CNTNAP2: variants seen among roughly 807,000 people sequenced by gnomAD.
The protein encoded by CNTNAP2 is contactin associated protein 2, also known as contactin-associated protein-like 2.
Under a neutral mutation model 155.2 loss-of-function variants are expected in CNTNAP2, and 98 were observed. The observed-to-expected ratio is 0.63, with a 90% CI of 0.54 to 0.75. CNTNAP2 has a LOEUF of 0.75. CNTNAP2 is among the 30% of genes least tolerant of loss of function. The pLI is 0.00. For synonymous variants in CNTNAP2, 651 were observed against 631.2 expected (o/e 1.03, Z -0.47); for missense variants, 1,727 against 1,688.1 (o/e 1.02, Z -0.40).
intron 19 of CNTNAP2, among the ~76,000 whole-genome samples, chr7:148,221,744 C>T (rs1178219625): frequency 6.6e-6 from 1 of 152,138 alleles, no homozygotes; most frequent in Non-Finnish European, 1.5e-5. Flanking sequence ...CCAGCTGCCC[C>T]CAGCACCACC....
At chr7:148,114,116 T>C (rs1198723046) in intron 15 of CNTNAP2, among the ~76,000 whole-genome samples, 4 of 152,200 alleles carry the variant, frequency 2.6e-5, no homozygotes, top group Non-Finnish European at 4.4e-5. Flanking sequence ...CAAGTACAAA[T>C]TGCAGTGATT....
chr7:148,047,862 CT>C (rs1313636262), intron 15 of CNTNAP2, among the ~76,000 whole-genome samples: 11 of 152,278 alleles, frequency 7.2e-5, no homozygotes, highest in African/African-American at 2.2e-4. Flanking sequence ...CACAATTCAA[CT>C]TGAGATTGGT....
At chr7:148,064,936 A>G (rs749454932) in intron 15 of CNTNAP2, among the ~76,000 whole-genome samples, 3 of 152,036 alleles carry the variant, frequency 2.0e-5, no homozygotes, top group African/African-American at 7.2e-5. Flanking sequence ...AATGCTATGA[A>G]CTTTCCTCTT....
At chr7:148,198,243 G>T (rs1195052031) in intron 18 of CNTNAP2, among the ~76,000 whole-genome samples, 1 of 152,166 alleles carries the variant, frequency 6.6e-6, no homozygotes, top group African/African-American at 2.4e-5. Flanking sequence ...GAAGCTTCAG[G>T]TTAGGGATGG....
At chr7:147,552,572 AC>A (rs1409447382) in intron 11 of CNTNAP2, among the ~76,000 whole-genome samples, 763 of 48,032 alleles carry the variant, frequency 0.016, 7 homozygotes, top group African/African-American at 0.053. Flanking sequence ...ACTTTCCTCA[AC>A]ACACACACAC....
chr7:147,222,573 T>C (rs1420424630), intron 8 of CNTNAP2, among the ~76,000 whole-genome samples: 2 of 152,196 alleles, frequency 1.3e-5, no homozygotes, highest in Non-Finnish European at 2.9e-5. Context: ...GCCATGTCTA[T>C]CTGTGAGGCT....
intron 4 of CNTNAP2, among the ~76,000 whole-genome samples, chr7:147,090,695 CAATT>C (rs1800383147): frequency 6.6e-6 from 1 of 151,962 alleles, no homozygotes; most frequent in Non-Finnish European, 1.5e-5. Context: ...TTTATTAAAA[CAATT>C]GATATAATTA....
intron 11 of CNTNAP2, among the ~76,000 whole-genome samples, chr7:147,525,859 G>C (rs1799309279): frequency 6.6e-6 from 1 of 152,036 alleles, no homozygotes; most frequent in South Asian, 2.1e-4. Context: ...GGGAGCATGG[G>C]TTTCAGGATC....
chr7:146,403,764 C>T (rs62503487), intron 1 of CNTNAP2, among the ~76,000 whole-genome samples: 45 of 152,084 alleles, frequency 3.0e-4, no homozygotes, highest in African/African-American at 1.1e-3. Context: ...TATTAAAAAC[C>T]TCTCCAAACA....
rs898856040 is a variant in CNTNAP2, at chr7:147,817,730, T to C, written c.2099-85835T>C. Reference sequence around the variant, plus strand: ...CATCCTGGCTAACATGGTGAAACCCTGTCTCCACTAAAAATACAAAAAAAA... The same window carrying C: ...CATCCTGGCTAACATGGTGAAACCCCGTCTCCACTAAAAATACAAAAAAAA... On this transcript the variant is annotated intron_variant, in intron 13 of 23. Coordinates refer to ENST00000361727, the MANE Select transcript of CNTNAP2 (RefSeq NM_014141.6). 3.3e-5 allele frequency among the ~76,000 whole-genome samples: 5 copies of C among 151,826 alleles called. No individual in the cohort carries two copies. In the East Asian group the frequency reaches 5.8e-4, roughly 18 times the overall value.
rs781114080 is a variant in CNTNAP2 at position 147,395,707 on chromosome 7, T to A, written c.1597T>A (p.Leu533Ile). 55 of 1,612,458 alleles carry A rather than the reference T, an allele frequency of 3.4e-5. 1 individual carries two copies. The highest frequency in any genetic ancestry group is 1.6e-4 in the Middle Eastern group (1 of 6,072). Residue 533 changes from leucine (L) to isoleucine (I), a missense_variant, in exon 10 of 24, where the codon TTA becomes ATA. Coordinates refer to ENST00000361727, the MANE Select transcript of CNTNAP2 (RefSeq NM_014141.6). Reference protein sequence around the residue: ...LIQVDDQLVNLYEVAQRKPGS... With the variant: ...LIQVDDQLVNIYEVAQRKPGS... ...TCAAGTGGACGATCAACTTGTAAAT[T>A]TATACGAAGTGGCACAAAGGAAGCC... is the stretch of plus-strand genomic sequence containing the variant.
chr7:146,960,607 A>G (rs924685638), intron 3 of CNTNAP2, among the ~76,000 whole-genome samples: 9 of 152,244 alleles, frequency 5.9e-5, no homozygotes, highest in African/African-American at 2.2e-4. Context: ...TTATTCAAAA[A>G]TTTATCAACA....
intron 3 of CNTNAP2, among the ~76,000 whole-genome samples, chr7:146,900,671 T>C (rs1795974161): frequency 6.6e-6 from 1 of 152,206 alleles, no homozygotes; most frequent in African/African-American, 2.4e-5. Context: ...AATTCCTGTG[T>C]TTCTCCCCAG....
chr7:148,318,283 G>A (rs898028988), intron 21 of CNTNAP2, among the ~76,000 whole-genome samples: 8 of 152,126 alleles, frequency 5.3e-5, no homozygotes, highest in African/African-American at 1.9e-4. Flanking sequence ...CCCGGCTGTC[G>A]CCTGCTTGGC....
intron 1 of CNTNAP2, among the ~76,000 whole-genome samples, chr7:146,196,290 G>A (rs957856519): frequency 2.0e-5 from 3 of 152,112 alleles, no homozygotes; most frequent in African/African-American, 7.2e-5. Flanking sequence ...TATTTTAGGA[G>A]CAAAATGGAA....
At chr7:146,905,788 G>A (rs1388793435) in intron 3 of CNTNAP2, among the ~76,000 whole-genome samples, 1 of 152,178 alleles carries the variant, frequency 6.6e-6, no homozygotes, top group Admixed American at 6.5e-5. Flanking sequence ...GGTTTACGAA[G>A]GAGGAGCCAA....
intron 9 of CNTNAP2, among the ~76,000 whole-genome samples, chr7:147,320,499 A>G (rs993204236): frequency 6.6e-6 from 1 of 152,202 alleles, no homozygotes; most frequent in Non-Finnish European, 1.5e-5. Flanking sequence ...GGACATTTTT[A>G]TGTTCCTTCA....
intron 14 of CNTNAP2, among the ~76,000 whole-genome samples, chr7:147,928,965 A>G (rs1218372800): frequency 4.0e-5 from 6 of 151,548 alleles, no homozygotes; most frequent in Non-Finnish European, 8.8e-5. Context: ...GGTGGCACAC[A>G]CCTGTAATCC....
intron 1 of CNTNAP2, among the ~76,000 whole-genome samples, chr7:146,260,318 TCC>T (rs1214848769): frequency 6.6e-6 from 1 of 151,956 alleles, no homozygotes; most frequent in East Asian, 1.9e-4. Flanking sequence ...GAACACAGAG[TCC>T]CCACCTGGGG....
Sources: allele counts gnomAD v4.1 joint callset (sites outside exome capture counted in the v4.1 genomes callset), GRCh38; gene constraint gnomAD v4.1.1; transcripts MANE v1.5; gene names NCBI Gene and HGNC (gene_info 2026-07-23, HGNC 2026-07-21).